METTL9: variants seen among roughly 807,000 people sequenced by gnomAD.
The protein encoded by METTL9 is protein-L-histidine N-pros-methyltransferase.
A neutral mutation model predicts 36.0 loss-of-function variants in METTL9; 10 were observed. That is an observed-to-expected ratio of 0.28 (90% CI 0.17 to 0.47). The LOEUF (loss-of-function observed/expected upper bound fraction) is 0.47, where lower values mean the gene tolerates loss of function less well. Ranked by LOEUF, METTL9 falls within the 20% of genes least tolerant of loss-of-function variation. The pLI is 0.99. For missense variants in METTL9, 246 were observed against 383.5 expected (o/e 0.64, Z 3.00); for synonymous variants, 175 against 149.7 (o/e 1.17, Z -1.23).
In METTL9 at chr16:21,617,904, T is replaced by G. The variant is rs1450769369; in HGVS notation, c.396T>G (p.Asp132Glu). The change falls in exon 3 of 5, where the codon GAT (aspartate) becomes GAG (glutamate). Residue 132 changes from aspartate to glutamate, a missense_variant. Coordinates refer to ENST00000358154, the MANE Select transcript of METTL9 (RefSeq NM_016025.5). ...GCTCAATGTTTGTGTTTTCACCAGA[T>G]CAGTTTCAGAGACTGCTTAAAATTA... is the stretch of plus-strand genomic sequence containing the variant. The part of the protein sequence containing the change: ...GRGSMFVFSP[D>E]QFQRLLKINP... 1 of 1,613,928 alleles carries G rather than the reference T, an allele frequency of 6.2e-7. No individual in the cohort carries two copies. The highest frequency in any genetic ancestry group is 8.5e-7 in the Non-Finnish European group (1 of 1,179,994).
chr16:21,599,788 C>T lies in METTL9; in HGVS notation c.55C>T (p.Arg19Trp). Residue 19 changes from arginine to tryptophan, a missense_variant, in exon 1 of 5, where the codon CGG (arginine) becomes TGG (tryptophan). By Grantham distance (101) the Arg-to-Trp change is moderately radical (BLOSUM62 -3). Transcript: ENST00000358154. This position sits in a 1 kb window ranked among gnomAD's most constrained non-coding sequence, Gnocchi z 4.4. Reference sequence around the variant, plus strand: ...GAGCCTGGCGTCCGTGTGGCTGGCGCGGAGGATGTGGACGCTGCGGAGCCC... The same window carrying T: ...GAGCCTGGCGTCCGTGTGGCTGGCGTGGAGGATGTGGACGCTGCGGAGCCC... ...CLSLASVWLA[R>W]RMWTLRSPLT... 2 of 1,548,768 alleles carry T rather than the reference C, an allele frequency of 1.3e-6. No individual in the cohort carries two copies. The highest frequency in any genetic ancestry group is 2.4e-5 in the South Asian group (2 of 84,554).
intron 4 of METTL9, among the ~76,000 whole-genome samples, chr16:21,651,436 A>T (rs1966573699): frequency 6.6e-6 from 1 of 151,988 alleles, no homozygotes; most frequent in Non-Finnish European, 1.5e-5. Flanking sequence ...GTGGGACTGC[A>T]GGTGCAGTGC....
intron 4 of METTL9, chr16:21,627,134 A>T (rs1965834197): frequency 3.0e-6 from 3 of 985,090 alleles, no homozygotes; most frequent in East Asian, 1.1e-4. Flanking sequence ...GCGCCACGGC[A>T]CTCTATTATT....
At chr16:21,609,368 G>C (rs1567326740) in intron 1 of METTL9, among the ~76,000 whole-genome samples, 4 of 152,112 alleles carry the variant, frequency 2.6e-5, no homozygotes, top group African/African-American at 9.7e-5. Flanking sequence ...CCTTTATGAA[G>C]CTCTCAGTCT....
chr16:21,633,618 C>T (rs1327747140), intron 4 of METTL9, among the ~76,000 whole-genome samples: 1 of 152,036 alleles, frequency 6.6e-6, no homozygotes, highest in Non-Finnish European at 1.5e-5. Flanking sequence ...TTTAAGAGAG[C>T]AGGGTATAGG....
At chr16:21,647,603 T>C (rs2141619808) in intron 4 of METTL9, 1 of 1,340,150 alleles carries the variant, frequency 7.5e-7, no homozygotes, top group African/African-American at 1.5e-5. Context: ...CTTACCTTAA[T>C]CCCAATATAA....
In METTL9 at chr16:21,641,691, T is replaced by C. The variant is rs1437553417; in HGVS notation, c.752-13536T>C. 1.1e-5 allele frequency: 7 copies of C among 657,522 alleles called. No homozygotes were observed. The East Asian group carries it at 2.1e-4, about 19-fold the overall frequency. 40.7% of individuals were successfully genotyped at this position (657,522 alleles called of 1,614,324 possible). A position where few individuals can be genotyped will look rare whatever the true frequency, so the allele number is the denominator to read the frequency against. The stretch of plus-strand genomic sequence containing the variant: ...CAAACCACTGGGCCATCTTGGATTC[T>C]GGGTCCTAAGTGTCCATATGGTAAT... On this transcript the variant is annotated intron_variant, in intron 4 of 4. Transcript: ENST00000358154.
chr16:21,620,598 G>A (rs1965670344), intron 3 of METTL9, among the ~76,000 whole-genome samples: 1 of 152,174 alleles, frequency 6.6e-6, no homozygotes, highest in Admixed American at 6.5e-5. Flanking sequence ...TATATCTGGA[G>A]TGTACATGGT....
At chr16:21,613,110 G>A (rs1965468245) in intron 2 of METTL9, among the ~76,000 whole-genome samples, 1 of 148,330 alleles carries the variant, frequency 6.7e-6, no homozygotes, top group Admixed American at 6.8e-5. Context: ...ATCACCTGGG[G>A]GTCTTGTTAA....
At chr16:21,613,139 G>A (rs960471139) in intron 2 of METTL9, among the ~76,000 whole-genome samples, 1 of 133,576 alleles carries the variant, frequency 7.5e-6, no homozygotes, top group Non-Finnish European at 1.6e-5. Context: ...TTATGAGTTA[G>A]TACATCAGGG....
At chr16:21,619,661 C>T (rs899806513) in intron 3 of METTL9, among the ~76,000 whole-genome samples, 1 of 143,668 alleles carries the variant, frequency 7.0e-6, no homozygotes, top group Admixed American at 7.5e-5. Context: ...TGGTCTCAAA[C>T]TGCTGACCTC....
intron 4 of METTL9, among the ~76,000 whole-genome samples, chr16:21,635,037 G>C (rs572021381): frequency 6.6e-6 from 1 of 152,224 alleles, no homozygotes; most frequent in South Asian, 2.1e-4. Flanking sequence ...TAGGATACCA[G>C]GTATCTCCAA....
chr16:21,598,219 C>T (rs1443276506), upstream of METTL9, among the ~76,000 whole-genome samples: 1 of 151,994 alleles, frequency 6.6e-6, no homozygotes, highest in Non-Finnish European at 1.5e-5. Flanking sequence ...CATGGTGGCG[C>T]GCACCCGTAG....
chr16:21,655,406 G>A lies in METTL9; in HGVS notation c.931G>A (p.Ala311Thr), dbSNP rs756894266. The change falls in exon 5 of 5, where the codon GCT (alanine) becomes ACT (threonine). Residue 311 changes from alanine to threonine, a missense_variant. By Grantham distance (58) the Ala-to-Thr change is moderately conservative. Coordinates refer to ENST00000358154, the MANE Select transcript of METTL9 (RefSeq NM_016025.5). The part of the protein sequence containing the change: ...MYNDYYVLDD[A>T]VFVLKPV ...TAATGACTACTACGTTCTGGATGAC[G>A]CTGTCTTTGTTCTCAAACCAGTATA... 1.2e-6 allele frequency: 2 copies of A among 1,614,092 alleles called. No individual in the cohort carries two copies. Among genetic ancestry groups the A allele is most frequent in the South Asian group, 2.2e-5 (2 of 91,076 alleles).
chr16:21,652,198 T>C (rs1421642477), intron 4 of METTL9: 2 of 187,358 alleles, frequency 1.1e-5, no homozygotes, highest in Non-Finnish European at 2.2e-5. Flanking sequence ...CAAATAATCA[T>C]TTATTGCTTT....
intron 4 of METTL9, among the ~76,000 whole-genome samples, chr16:21,633,489 G>C (rs1289174261): frequency 6.6e-6 from 1 of 152,012 alleles, no homozygotes; most frequent in East Asian, 1.9e-4. Flanking sequence ...ACGTAAATTG[G>C]GATGTGTGGT....
chr16:21,637,397 A>G (rs973319978), intron 4 of METTL9, among the ~76,000 whole-genome samples: 1 of 152,198 alleles, frequency 6.6e-6, no homozygotes, highest in Admixed American at 6.5e-5. Context: ...GTGTATTTAT[A>G]AACCATTAGC....
chr16:21,611,778 T>A (rs534083049), intron 1 of METTL9, among the ~76,000 whole-genome samples: 5 of 152,312 alleles, frequency 3.3e-5, no homozygotes, highest in African/African-American at 9.6e-5. Context: ...GGGACTTGAT[T>A]GTGGGGCTGA....
chr16:21,656,569 A>G lies in METTL9; in HGVS notation c.*1137A>G, dbSNP rs1312887322. 1 of 152,210 alleles carries G rather than the reference A, an allele frequency of 6.6e-6. No homozygotes were observed. The highest frequency in any genetic ancestry group is 1.5e-5 in the Non-Finnish European group (1 of 68,038). The allele number at this position is 152,210 out of a possible 1,614,324, so 9.4% of individuals were successfully genotyped here. Reference sequence around the variant, plus strand: ...ATCAATAACCATCGTGGATATTCCAAAGAGCAGAGCATTTAACCCAGAATC... The same window carrying G: ...ATCAATAACCATCGTGGATATTCCAGAGAGCAGAGCATTTAACCCAGAATC... On this transcript the variant is annotated 3_prime_UTR_variant, in exon 5 of 5. Transcript: ENST00000358154.
Sources: allele counts gnomAD v4.1 joint callset (sites outside exome capture counted in the v4.1 genomes callset), GRCh38; gene constraint gnomAD v4.1.1; non-coding constraint Gnocchi (gnomAD v3.1); transcripts MANE v1.5; gene names NCBI Gene and HGNC (gene_info 2026-07-23, HGNC 2026-07-21).